PRMT8: variants seen among roughly 807,000 people sequenced by gnomAD.
The protein encoded by PRMT8 is protein arginine methyltransferase 8.
A neutral mutation model predicts 47.1 loss-of-function variants in PRMT8; 7 were observed. The observed-to-expected ratio is 0.15, with a 90% CI of 0.08 to 0.28. The LOEUF is 0.28. Among genes scored for constraint, PRMT8 ranks in the 10% least tolerant of loss-of-function variants. The pLI is 1.00. For synonymous variants in PRMT8, 188 were observed against 186.5 expected, an observed-to-expected ratio of 1.01 and a Z score of -0.07; for missense variants, 237 against 505.4, an observed-to-expected ratio of 0.47 and a Z score of 5.09.
intron 4 of PRMT8, among the ~76,000 whole-genome samples, chr12:3,567,127 T>C (rs1345095260): frequency 1.3e-5 from 2 of 152,218 alleles, no homozygotes; most frequent in East Asian, 1.9e-4. Flanking sequence ...CCCCTCTCCA[T>C]CTGTGGATCA....
intron 1 of PRMT8, among the ~76,000 whole-genome samples, chr12:3,473,567 G>A (rs1169661776): frequency 6.6e-6 from 1 of 151,932 alleles, no homozygotes; most frequent in Non-Finnish European, 1.5e-5. Context: ...AAGGCCCAAC[G>A]ACCCCTGTGT....
At position 3,493,255 on chromosome 12, in the gene PRMT8, G is replaced by C. The variant is rs1865452171; in HGVS notation, c.75+1555G>C. Among the ~76,000 whole-genome samples, 1 of 152,158 alleles carries C rather than the reference G, an allele frequency of 6.6e-6. No individual in the cohort carries two copies. The highest frequency in any genetic ancestry group is 1.5e-5 in the Non-Finnish European group (1 of 68,034). On this transcript the variant is annotated intron_variant, in intron 1 of 9. Coordinates refer to ENST00000382622, the MANE Select transcript of PRMT8 (RefSeq NM_019854.5). The surrounding 1 kb of genome is among the most constrained non-coding windows in gnomAD (Gnocchi z 8.2). Reference sequence around the variant, plus strand: ...CCACCTGAGAGCAGACATTCGGAATGATGTGTAGTGCGAGGCGGCTAGCCT... The same window carrying C: ...CCACCTGAGAGCAGACATTCGGAATCATGTGTAGTGCGAGGCGGCTAGCCT...
chr12:3,416,074 G>A (rs1475183908), intron 1 of PRMT8, among the ~76,000 whole-genome samples: 2 of 152,200 alleles, frequency 1.3e-5, no homozygotes, highest in African/African-American at 4.8e-5. Flanking sequence ...AACAGGGATG[G>A]CAGTGTCTAT....
At chr12:3,582,629 C>G (rs1867088262) in intron 7 of PRMT8, among the ~76,000 whole-genome samples, 1 of 152,124 alleles carries the variant, frequency 6.6e-6, no homozygotes, top group South Asian at 2.1e-4. Context: ...GAATTTGCCC[C>G]CAGGTACTGT....
At chr12:3,419,421 C>T (rs2137060074) in intron 1 of PRMT8, among the ~76,000 whole-genome samples, 1 of 152,292 alleles carries the variant, frequency 6.6e-6, no homozygotes, top group South Asian at 2.1e-4. Context: ...CCTTCTGAGC[C>T]CTCGAACCCT....
chr12:3,569,206 C>T lies in PRMT8; in HGVS notation c.625-271C>T, dbSNP rs374269615. Among the ~76,000 whole-genome samples, 15 of 152,348 alleles carry T rather than the reference C, an allele frequency of 9.8e-5. No individual in the cohort carries two copies. The highest frequency in any genetic ancestry group is 9.6e-4 in the East Asian group (5 of 5,190). On this transcript the variant is annotated intron_variant, in intron 5 of 9. Transcript: ENST00000382622. This position sits in a 1 kb window ranked among gnomAD's most constrained non-coding sequence, Gnocchi z 8.2. ...CATCTGGGCTTCTCCAGGCCAAAGT[C>T]GTAACATCTCTCACTGCTCCTCACT...
chr12:3,590,022 G>T (rs1056711295), intron 8 of PRMT8, among the ~76,000 whole-genome samples: 1 of 152,242 alleles, frequency 6.6e-6, no homozygotes, highest in African/African-American at 2.4e-5. Context: ...TTTAGAGGTA[G>T]CTGGGAGAGA....
chr12:3,422,773 T>G (rs1864557779), intron 1 of PRMT8, among the ~76,000 whole-genome samples: 1 of 152,204 alleles, frequency 6.6e-6, no homozygotes, highest in Non-Finnish European at 1.5e-5. Context: ...TTTCTGCCTT[T>G]TAGTTTTTAC....
At chr12:3,529,497 G>T (rs540711579) in intron 1 of PRMT8, among the ~76,000 whole-genome samples, 1 of 152,132 alleles carries the variant, frequency 6.6e-6, no homozygotes, top group African/African-American at 2.4e-5. Context: ...AGTGGCTGAC[G>T]TTATTCCCTC....
intron 1 of PRMT8, among the ~76,000 whole-genome samples, chr12:3,473,083 CT>C (rs1179194574): frequency 6.6e-6 from 1 of 152,166 alleles, no homozygotes; most frequent in Non-Finnish European, 1.5e-5. Flanking sequence ...CCTCTCAGCC[CT>C]TTGTCCCTAT....
At chr12:3,553,611 T>A in intron 3 of PRMT8, 40 bp from the exon 4 acceptor site, 1 of 1,531,258 alleles carries the variant, frequency 6.5e-7, no homozygotes, top group Non-Finnish European at 9.0e-7. Context: ...TGCTGTGATT[T>A]TTTTTGACGC....
rs938237044 is a variant in PRMT8 at position 3,576,915 on chromosome 12, G to A, written c.757G>A (p.Val253Met). The change falls in exon 7 of 10, where the codon GTG becomes ATG. Residue 253 changes from valine to methionine, a missense_variant. Val to Met is a conservative substitution (Grantham distance 21). This residue lies in a region of PRMT8 where 151 missense variants were observed against 341.1 expected (regional missense o/e 0.44). Transcript: ENST00000382622. The surrounding 1 kb of genome is among the most constrained non-coding windows in gnomAD (Gnocchi z 4.0). The stretch of plus-strand genomic sequence containing the variant: ...CTTTGACATGACCTGCATCCGGGAC[G>A]TGGCCATGAAGGAGCCTCTAGTGGA... ...YGFDMTCIRD[V>M]AMKEPLVDIV... The A allele has an allele frequency of 3.1e-6, 5 of 1,614,048 alleles. No homozygotes were observed. The highest frequency in any genetic ancestry group is 1.3e-5 in the African/African-American group (1 of 74,918).
intron 1 of PRMT8, among the ~76,000 whole-genome samples, chr12:3,442,517 G>C (rs1938378939): frequency 6.6e-6 from 1 of 152,164 alleles, no homozygotes. Flanking sequence ...GCGGCTGCCT[G>C]TTCTCCTGGG....
intron 1 of PRMT8, among the ~76,000 whole-genome samples, chr12:3,448,092 G>A (rs1864876620): frequency 2.0e-5 from 3 of 152,194 alleles, no homozygotes; most frequent in Admixed American, 6.5e-5. Flanking sequence ...TAACTCCTGG[G>A]CTCAAGCGAT....
chr12:3,415,672 G>A (rs1864476116), intron 1 of PRMT8, among the ~76,000 whole-genome samples: 2 of 152,234 alleles, frequency 1.3e-5, no homozygotes, highest in African/African-American at 4.8e-5. Context: ...CCATAGAACA[G>A]TGGAGGAAGG....
At chr12:3,385,558 G>A (rs1274327164) in intron 1 of PRMT8, among the ~76,000 whole-genome samples, 1 of 133,002 alleles carries the variant, frequency 7.5e-6, no homozygotes, top group Non-Finnish European at 1.6e-5. Context: ...TTTCTAAAAA[G>A]AAAACTCCTT....
intron 2 of PRMT8, among the ~76,000 whole-genome samples, chr12:3,546,320 A>G (rs1021196964): frequency 4.6e-5 from 7 of 152,242 alleles, no homozygotes; most frequent in Non-Finnish European, 4.4e-5. Context: ...TAAGTTGAAG[A>G]AAGGAAATAA....
chr12:3,459,939 C>T (rs1390663108), intron 1 of PRMT8, among the ~76,000 whole-genome samples: 2 of 152,176 alleles, frequency 1.3e-5, no homozygotes, highest in African/African-American at 4.8e-5. Flanking sequence ...TGCCCTCCGA[C>T]CCTCCTATGC....
intron 4 of PRMT8, among the ~76,000 whole-genome samples, chr12:3,567,194 T>G (rs1271278398): frequency 6.6e-6 from 1 of 152,234 alleles, no homozygotes; most frequent in Non-Finnish European, 1.5e-5. Context: ...GCTATGGGCC[T>G]GGCACTCCAC....
Sources: gnomAD v4.1 joint callset for allele counts (sites outside exome capture counted in the v4.1 genomes callset) on GRCh38, gnomAD v4.1.1 for gene constraint, gnomAD v4.1.1 regional missense constraint, Gnocchi (gnomAD v3.1) non-coding constraint, MANE v1.5 for transcripts, NCBI Gene and HGNC (gene_info 2026-07-23, HGNC 2026-07-21) for gene names.